P4HA3: variants seen among roughly 807,000 people sequenced by gnomAD.
The protein encoded by P4HA3 is prolyl 4-hydroxylase subunit alpha 3.
A neutral mutation model predicts 66.7 loss-of-function variants in P4HA3; 60 were observed. The ratio of observed to expected loss-of-function variants is 0.90; its 90% CI spans 0.73 to 1.12. The LOEUF (loss-of-function observed/expected upper bound fraction) is 1.12, where lower values mean the gene tolerates loss of function less well. Among genes scored for constraint, P4HA3 ranks in the 50% most tolerant of loss-of-function variants. P4HA3 has a pLI of 0.00. For synonymous variants in P4HA3, 263 were observed against 274.6 expected (o/e 0.96, Z 0.42); for missense variants, 683 against 685.8 (o/e 1.00, Z 0.05).
At chr11:74,251,515 A>T (rs1859661677) in intron 15 of P4HA3, 1 of 1,469,348 alleles carries the variant, frequency 6.8e-7, no homozygotes, top group African/African-American at 1.4e-5. Flanking sequence ...AGGTCCTTTT[A>T]ATTTCAAGCC....
downstream of P4HA3, among the ~76,000 whole-genome samples, chr11:74,266,355 T>C (rs1859991565): frequency 6.6e-6 from 1 of 152,204 alleles, no homozygotes; most frequent in South Asian, 2.1e-4. Context: ...ATATAACCTG[T>C]AAACTGCACA....
chr11:74,282,478 C>T (rs1382630927), intron 7 of P4HA3, among the ~76,000 whole-genome samples: 1 of 152,142 alleles, frequency 6.6e-6, no homozygotes, highest in East Asian at 1.9e-4. Context: ...GGTGAGAAGT[C>T]AAGGGCAGTT....
At chr11:74,274,574 A>G (rs1860330230) in intron 9 of P4HA3, among the ~76,000 whole-genome samples, 1 of 152,020 alleles carries the variant, frequency 6.6e-6, no homozygotes, top group Non-Finnish European at 1.5e-5. Flanking sequence ...TGGCCTCCCA[A>G]AGTGCTGGGA....
At chr11:74,299,667 GAA>G (rs61624292) in intron 3 of P4HA3, among the ~76,000 whole-genome samples, 6,345 of 105,728 alleles carry the variant, frequency 0.06, 144 homozygotes, top group Middle Eastern at 0.16. Context: ...ATATTTTCAA[GAA>G]AAAAAAAAAA....
At position 74,289,112 on chromosome 11, in the gene P4HA3, C is replaced by T. The variant is rs768951475; in HGVS notation, c.736G>A (p.Ala246Thr). The T allele has an allele frequency of 3.8e-6, 6 of 1,575,824 alleles. No homozygotes were observed. The South Asian group carries it at 5.9e-5, about 16-fold the overall frequency. ...AGAAACTCCCGAGAGAGGCTGAGGG[C>T]ACACGAAACATTTCCTGCCTGTTAA... is the stretch of plus-strand genomic sequence containing the variant. ...AYFRAGNVSC[A>T]LSLSREFLLY... Residue 246 changes from alanine to threonine, a missense_variant, in exon 5 of 13, where the codon GCC becomes ACC. Transcript: ENST00000331597.
chr11:74,262,682 C>G (rs1859926668), downstream of P4HA3, among the ~76,000 whole-genome samples: 1 of 152,156 alleles, frequency 6.6e-6, no homozygotes, highest in Non-Finnish European at 1.5e-5. Context: ...TTGTTTCCTC[C>G]CCCTAGCCCT....
intron 15 of P4HA3, among the ~76,000 whole-genome samples, chr11:74,258,669 G>C (rs1340772532): frequency 6.6e-6 from 1 of 152,150 alleles, no homozygotes; most frequent in Non-Finnish European, 1.5e-5. Flanking sequence ...AAGGAGAGGA[G>C]GGGTGGGGCA....
intron 15 of P4HA3, among the ~76,000 whole-genome samples, chr11:74,259,401 A>G (rs1247735405): frequency 6.6e-6 from 1 of 152,160 alleles, no homozygotes; most frequent in Non-Finnish European, 1.5e-5. Flanking sequence ...ACAAAACAAA[A>G]CAAACAAAAA....
At chr11:74,251,449 G>A in intron 15 of P4HA3, 2 of 1,421,826 alleles carry the variant, frequency 1.4e-6, no homozygotes, top group East Asian at 2.5e-5. Flanking sequence ...GCTCTATGGA[G>A]CTATCCCTGG....
At chr11:74,268,323 G>A in intron 11 of P4HA3, 82 bp from the exon 12 acceptor site, 2 of 1,141,938 alleles carry the variant, frequency 1.8e-6, no homozygotes, top group South Asian at 1.3e-5. Context: ...ACAAATGCAG[G>A]CATGTCATTG....
At chr11:74,283,396 C>G (rs1006715586) in intron 7 of P4HA3, among the ~76,000 whole-genome samples, 2 of 152,160 alleles carry the variant, frequency 1.3e-5, no homozygotes, top group African/African-American at 4.8e-5. Flanking sequence ...TTAATTATCT[C>G]AAAAAGCTTC....
At chr11:74,288,815 G>C (rs1489513512) in intron 5 of P4HA3, among the ~76,000 whole-genome samples, 2 of 151,840 alleles carry the variant, frequency 1.3e-5, no homozygotes, top group Admixed American at 6.6e-5. Flanking sequence ...CAGGTGTGGT[G>C]GTGGGCGCCT....
intron 10 of P4HA3, among the ~76,000 whole-genome samples, chr11:74,273,291 C>A (rs1160972805): frequency 2.0e-5 from 3 of 152,158 alleles, no homozygotes; most frequent in African/African-American, 7.2e-5. Context: ...CACTTCCCAT[C>A]CTAATCCACT....
At chr11:74,269,770 T>C (rs1860127911) in intron 10 of P4HA3, 50 bp from the exon 11 acceptor site, 6 of 1,552,524 alleles carry the variant, frequency 3.9e-6, no homozygotes, top group Non-Finnish European at 3.6e-6. Flanking sequence ...CCGACTTCCC[T>C]ACCCTGTCAT....
At chr11:74,304,531 T>A in intron 1 of P4HA3, 119 bp from the exon 2 acceptor site, 1 of 1,217,610 alleles carries the variant, frequency 8.2e-7, no homozygotes, top group Non-Finnish European at 1.2e-6. Flanking sequence ...CTCTTGAGAT[T>A]CACATAATAG....
At chr11:74,308,525 C>A (rs1356086542) in intron 1 of P4HA3, among the ~76,000 whole-genome samples, 1 of 152,104 alleles carries the variant, frequency 6.6e-6, no homozygotes, top group Non-Finnish European at 1.5e-5. Flanking sequence ...GGTGACAGAG[C>A]AAGACCCTGT....
chr11:74,293,175 G>A (rs1861092042), intron 4 of P4HA3, among the ~76,000 whole-genome samples: 2 of 151,940 alleles, frequency 1.3e-5, no homozygotes, highest in Admixed American at 1.3e-4. Flanking sequence ...TCTTCTTGTT[G>A]AATTGATCCC....
At chr11:74,285,639 C>G in intron 7 of P4HA3, 170 bp downstream of exon 7, 4 of 647,744 alleles carry the variant, frequency 6.2e-6, no homozygotes, top group Non-Finnish European at 7.8e-6. Context: ...TAGAGGCAAG[C>G]ACTATTGTGA....
Position 74,285,948 on chromosome 11 carries a change from T to A in P4HA3, c.971A>T (p.Tyr324Phe). 6.2e-7 allele frequency: 1 copy of A among 1,610,684 alleles called. No individual in the cohort carries two copies. Among genetic ancestry groups the A allele is most frequent in the South Asian group, 1.1e-5 (1 of 91,010 alleles). ...CAGGTAGGCGTTGGAATTGGTCTCA[T>A]AGGAACAGTAGAGGCTAGGGATCTG... ...LYQIPSLYCS[Y>F]ETNSNAYLLL... Residue 324 changes from tyrosine to phenylalanine, a missense_variant, in exon 7 of 13, where the codon TAT becomes TTT. Tyr to Phe is a conservative substitution (Grantham distance 22). Coordinates refer to ENST00000331597, the MANE Select transcript of P4HA3 (RefSeq NM_182904.5).
Sources: gnomAD v4.1 joint callset for allele counts (sites outside exome capture counted in the v4.1 genomes callset) on GRCh38, gnomAD v4.1.1 for gene constraint, MANE v1.5 for transcripts, NCBI Gene and HGNC (gene_info 2026-07-23, HGNC 2026-07-21) for gene names.